SNX29: variants seen among roughly 807,000 people sequenced by gnomAD.
SNX29 encodes sorting nexin 29, also known as sorting nexin-29.
SNX29 carries 78 observed loss-of-function variants against 102.1 expected under a neutral mutation model. The observed-to-expected ratio is 0.76, with a 90% CI of 0.64 to 0.92. The LOEUF (loss-of-function observed/expected upper bound fraction) is 0.92, where lower values mean the gene tolerates loss of function less well. Ranked by LOEUF, SNX29 falls within the 40% of genes least tolerant of loss-of-function variation. SNX29 has a pLI of 0.00. For missense variants in SNX29, 1,280 were observed against 1,061.7 expected (o/e 1.21, Z -2.86); for synonymous variants, 580 against 414.5 (o/e 1.40, Z -4.85).
At chr16:12,400,444 G>T (rs940557256) in intron 17 of SNX29, among the ~76,000 whole-genome samples, 10 of 152,186 alleles carry the variant, frequency 6.6e-5, no homozygotes, top group African/African-American at 2.4e-4. Context: ...TGATGAAATT[G>T]AGCCGGGTTT....
At chr16:12,101,761 A>G (rs2053031919) in intron 11 of SNX29, among the ~76,000 whole-genome samples, 1 of 152,132 alleles carries the variant, frequency 6.6e-6, no homozygotes, top group Admixed American at 6.5e-5. Flanking sequence ...ATGAAAAAGG[A>G]AAGTATCTTT....
At chr16:12,435,979 C>G (rs1399995578) in intron 18 of SNX29, among the ~76,000 whole-genome samples, 1 of 152,164 alleles carries the variant, frequency 6.6e-6, no homozygotes, top group Non-Finnish European at 1.5e-5. Context: ...GGCCCAGGGT[C>G]TGGGCCTTGG....
At chr16:11,983,086 A>T (rs1283530449) in intron 1 of SNX29, among the ~76,000 whole-genome samples, 2 of 151,812 alleles carry the variant, frequency 1.3e-5, no homozygotes, top group African/African-American at 4.8e-5. Context: ...GTGCACCACC[A>T]CGCCTGGCTA....
At chr16:12,350,523 C>T (rs530333795) in intron 15 of SNX29, among the ~76,000 whole-genome samples, 24 of 152,224 alleles carry the variant, frequency 1.6e-4, no homozygotes, top group African/African-American at 3.1e-4. Flanking sequence ...ATGACTGTAC[C>T]GCCATCCGCT....
At chr16:12,028,873 C>T (rs1185113458) in intron 4 of SNX29, among the ~76,000 whole-genome samples, 5 of 151,812 alleles carry the variant, frequency 3.3e-5, no homozygotes, top group African/African-American at 1.2e-4. Context: ...CTGAGCCTCC[C>T]GAGTAGCTGG....
intron 20 of SNX29, chr16:12,526,818 C>G (rs1241272944): frequency 5.0e-6 from 2 of 403,624 alleles, no homozygotes; most frequent in Admixed American, 4.1e-5. Context: ...CATCTCCGGT[C>G]CAGTGTTTCC....
At position 12,568,851 on chromosome 16, in the gene SNX29, C is replaced by G. The variant is rs371877974; in HGVS notation, c.*222C>G. 4.6e-6 allele frequency: 3 copies of G among 656,494 alleles called. No individual in the cohort carries two copies. Among genetic ancestry groups the G allele is most frequent in the African/African-American group, 1.8e-5 (1 of 54,514 alleles). 40.7% of individuals were successfully genotyped at this position (656,494 alleles called of 1,614,324 possible). A position where few individuals can be genotyped will look rare whatever the true frequency, so the allele number is the denominator to read the frequency against. The stretch of plus-strand genomic sequence containing the variant: ...CCAAGGCAGCACCTCGCTGGAGAGA[C>G]TGGGACACACAGTCCTTCTGCTTCT... On this transcript the variant is annotated 3_prime_UTR_variant, in exon 21 of 21. Coordinates refer to ENST00000566228, the MANE Select transcript of SNX29 (RefSeq NM_032167.5).
intron 18 of SNX29, among the ~76,000 whole-genome samples, chr16:12,431,923 T>TA (rs2085333512): frequency 6.6e-6 from 1 of 152,246 alleles, no homozygotes. Context: ...AACAAAGACT[T>TA]ACGGGGAACC....
intron 2 of SNX29, among the ~76,000 whole-genome samples, chr16:12,000,097 G>A (rs148822754): frequency 2.5e-4 from 38 of 152,216 alleles, no homozygotes; most frequent in Non-Finnish European, 4.3e-4. Context: ...CTGTGTGGAC[G>A]CTCCAGGTAG....
Position 11,984,799 on chromosome 16 carries a change from G to C in SNX29, c.7+7986G>C, listed in dbSNP as rs556900693. On this transcript the variant is annotated intron_variant, in intron 1 of 20. Coordinates refer to ENST00000566228, the MANE Select transcript of SNX29 (RefSeq NM_032167.5). ...AGCCTCCTGAGTAGCTAGGACTAAA[G>C]GTGCGCCACCACACCCGTCTAACTT... is the stretch of plus-strand genomic sequence containing the variant. 1.3e-3 allele frequency among the ~76,000 whole-genome samples: 197 copies of C among 152,174 alleles called. 1 individual carries two copies. Among genetic ancestry groups the C allele is most frequent in the African/African-American group, 4.6e-3 (191 of 41,540 alleles).
intron 13 of SNX29, among the ~76,000 whole-genome samples, chr16:12,169,033 C>G (rs1028419404): frequency 6.6e-6 from 1 of 152,184 alleles, no homozygotes; most frequent in Non-Finnish European, 1.5e-5. Context: ...GAGGTGATCT[C>G]AAGACTTGGC....
chr16:12,246,015 A>G (rs1257192397), intron 14 of SNX29, among the ~76,000 whole-genome samples: 1 of 152,222 alleles, frequency 6.6e-6, no homozygotes, highest in Non-Finnish European at 1.5e-5. Context: ...TAAGTCAACA[A>G]AAGGTTAACA....
intron 20 of SNX29, among the ~76,000 whole-genome samples, chr16:12,567,539 C>G (rs1005544738): frequency 1.2e-4 from 19 of 152,040 alleles, no homozygotes; most frequent in African/African-American, 4.6e-4. Flanking sequence ...AATCCCAGCA[C>G]TTTAGGAGGC....
Position 11,988,525 on chromosome 16 carries a change from T to C in SNX29, c.8-10772T>C, listed in dbSNP as rs2055721369. ...GATCCTCACACCTCAGCCTCCCTCA[T>C]AGCTTGGACTACAGGTGTGTGCCAC... On this transcript the variant is annotated intron_variant, in intron 1 of 20. Transcript: ENST00000566228. 1.3e-5 allele frequency among the ~76,000 whole-genome samples: 2 copies of C among 152,092 alleles called. 1 individual carries two copies. Among genetic ancestry groups the C allele is most frequent in the African/African-American group, 4.8e-5 (2 of 41,426 alleles).
chr16:12,082,649 GA>G (rs1427086146), intron 11 of SNX29, among the ~76,000 whole-genome samples: 1 of 152,110 alleles, frequency 6.6e-6, no homozygotes, highest in Non-Finnish European at 1.5e-5. Context: ...AATCTCTGAA[GA>G]AAAAAATGTC....
chr16:12,105,874 G>A (rs1285926042), intron 11 of SNX29, among the ~76,000 whole-genome samples: 1 of 152,156 alleles, frequency 6.6e-6, no homozygotes, highest in African/African-American at 2.4e-5. Flanking sequence ...AATGAGTGGA[G>A]AAGTTGGGTG....
chr16:11,984,652 C>G (rs1158508993), intron 1 of SNX29, among the ~76,000 whole-genome samples: 1 of 152,016 alleles, frequency 6.6e-6, no homozygotes, highest in Non-Finnish European at 1.5e-5. Context: ...CCCTTCCTCC[C>G]TTTCCTCTCT....
At position 12,480,005 on chromosome 16, in the gene SNX29, G is replaced by A. The variant is rs917273280; in HGVS notation, c.2178+2146G>A. Among the ~76,000 whole-genome samples the A allele has an allele frequency of 2.0e-5, 3 of 152,298 alleles. No individual in the cohort carries two copies. The East Asian group carries it at 5.8e-4, about 29-fold the overall frequency. ...GCAGCTTTAAGCAAAATGACATATT[G>A]TGTTATGAAATGAACTTTACCATGG... On this transcript the variant is annotated intron_variant, in intron 19 of 20. Coordinates refer to ENST00000566228, the MANE Select transcript of SNX29 (RefSeq NM_032167.5).
intron 13 of SNX29, among the ~76,000 whole-genome samples, chr16:12,187,395 A>C (rs1315450721): frequency 1.3e-5 from 2 of 152,140 alleles, no homozygotes; most frequent in African/African-American, 4.8e-5. Flanking sequence ...TCTCTACTAA[A>C]AGTACAAAAT....
Sources: gnomAD v4.1 joint callset for allele counts (sites outside exome capture counted in the v4.1 genomes callset) on GRCh38, gnomAD v4.1.1 for gene constraint, MANE v1.5 for transcripts, NCBI Gene and HGNC (gene_info 2026-07-23, HGNC 2026-07-21) for gene names.